KIRREL3: variants seen among roughly 807,000 people sequenced by gnomAD.
The protein encoded by KIRREL3 is kin of IRRE-like protein 3.
KIRREL3 carries 36 observed loss-of-function variants against 89.7 expected under a neutral mutation model. The ratio of observed to expected loss-of-function variants is 0.40; its 90% CI spans 0.31 to 0.53. The LOEUF is 0.53. Ranked by LOEUF, KIRREL3 falls within the 20% of genes least tolerant of loss-of-function variation. The probability of loss-of-function intolerance (pLI) is 0.49; values close to 1 mark genes in which losing one functional copy is unlikely to be tolerated. For missense variants in KIRREL3, 864 were observed against 1,056.6 expected, an observed-to-expected ratio of 0.82 and a Z score of 2.53; for synonymous variants, 445 against 441.4, an observed-to-expected ratio of 1.01 and a Z score of -0.10.
At chr11:126,451,115 G>GTGCA (rs1956104669) in intron 7 of KIRREL3, among the ~76,000 whole-genome samples, 1 of 25,916 alleles carries the variant, frequency 3.9e-5, no homozygotes, top group African/African-American at 2.1e-4. Flanking sequence ...ATGTGTGCAT[G>GTGCA]TGTGTGTGTG....
In KIRREL3 at chr11:126,990,906, G is replaced by A. The variant is rs1415028818; in HGVS notation, c.55+9549C>T. ...GGGAATCACTCCTCCTGCCACTCCC[G>A]GATGAACGTGCTAAGCTTCCTGTGC... On this transcript the variant is annotated intron_variant, in intron 1 of 16. Coordinates refer to ENST00000525144, the MANE Select transcript of KIRREL3 (RefSeq NM_032531.4). The surrounding 1 kb of genome is among the most constrained non-coding windows in gnomAD (Gnocchi z 6.3). Among the ~76,000 whole-genome samples, 4 of 152,150 alleles carry A rather than the reference G, an allele frequency of 2.6e-5. 1 individual carries two copies. In the South Asian group the frequency reaches 8.3e-4, roughly 32 times the overall value.
At chr11:126,934,492 T>C (rs10893606) in intron 1 of KIRREL3, among the ~76,000 whole-genome samples, 2,949 of 152,136 alleles carry the variant, frequency 0.019, 107 homozygotes, top group East Asian at 0.14. Context: ...AAAGACAATA[T>C]TAGGAAAATG....
rs1324931250 is a variant in KIRREL3 at position 126,748,458 on chromosome 11, CG to C, written c.56-185547del. On this transcript the variant is annotated intron_variant, in intron 1 of 16. Coordinates refer to ENST00000525144, the MANE Select transcript of KIRREL3 (RefSeq NM_032531.4). The surrounding 1 kb of genome is among the most constrained non-coding windows in gnomAD (Gnocchi z 4.6). ...CATCAATAATTCTTGAGCTTGCCTA[CG>C]GCGAGAATTATTCCCAGCAGGCGTT... Among the ~76,000 whole-genome samples the C allele has an allele frequency of 1.3e-5, 2 of 152,244 alleles. No homozygotes were observed. Among genetic ancestry groups the C allele is most frequent in the Admixed American group, 1.3e-4 (2 of 15,292 alleles).
chr11:126,832,331 C>T (rs754410215), intron 1 of KIRREL3, among the ~76,000 whole-genome samples: 1 of 152,030 alleles, frequency 6.6e-6, no homozygotes, highest in Non-Finnish European at 1.5e-5. Context: ...GAATCGCTCA[C>T]AATGATTACA....
At chr11:126,841,049 A>G (rs375844677) in intron 1 of KIRREL3, among the ~76,000 whole-genome samples, 1 of 152,212 alleles carries the variant, frequency 6.6e-6, no homozygotes, top group Non-Finnish European at 1.5e-5. Flanking sequence ...ATTGTTGTTA[A>G]TCTCTTACTG....
At chr11:126,895,475 AAAG>A (rs1946115292) in intron 1 of KIRREL3, among the ~76,000 whole-genome samples, 1 of 151,644 alleles carries the variant, frequency 6.6e-6, no homozygotes. Flanking sequence ...AAAAAGGAAA[AAAG>A]AAAGAAGGAA....
At chr11:126,625,616 C>T (rs1003153197) in intron 1 of KIRREL3, among the ~76,000 whole-genome samples, 1 of 152,194 alleles carries the variant, frequency 6.6e-6, no homozygotes, top group South Asian at 2.1e-4. Flanking sequence ...ATCTCTCCCC[C>T]AAGCCTGCAG....
rs766266024 is a variant in KIRREL3 at position 126,923,176 on chromosome 11, C to CTTCTTCTTT, written c.55+77278_55+77279insAAAGAAGAA. Among the ~76,000 whole-genome samples the CTTCTTCTTT allele has an allele frequency of 6.4e-3, 116 of 18,004 alleles. 25 individuals carry two copies. Among genetic ancestry groups the CTTCTTCTTT allele is most frequent in the South Asian group, 0.032 (12 of 372 alleles). The allele number at this position is 18,004 out of a possible 152,430, so 11.8% of individuals were successfully genotyped here. A position where few individuals can be genotyped will look rare whatever the true frequency, so the allele number is the denominator to read the frequency against. ...TCTTCTTCTTCTTCTTCTTCTTCTT[C>CTTCTTCTTT]TCTTCTTCTTCTCTTCTTCTTCTTC... On this transcript the variant is annotated intron_variant, in intron 1 of 16. Coordinates refer to ENST00000525144, the MANE Select transcript of KIRREL3 (RefSeq NM_032531.4).
In KIRREL3 at chr11:126,516,994, G is replaced by C. The variant is rs1384065740; in HGVS notation, c.433+4321C>G. Among the ~76,000 whole-genome samples, 1 of 152,174 alleles carries C rather than the reference G, an allele frequency of 6.6e-6. No homozygotes were observed. The highest frequency in any genetic ancestry group is 1.5e-5 in the Non-Finnish European group (1 of 68,034). ...CAGGAGGCTGGAGCAGGAGGACCCA[G>C]AAGGCGGAGGTTGCGGTGAGCTGAG... On this transcript the variant is annotated intron_variant, in intron 4 of 16. Transcript: ENST00000525144. The surrounding 1 kb of genome is among the most constrained non-coding windows in gnomAD (Gnocchi z 4.9).
chr11:126,789,265 G>T (rs1001387840), intron 1 of KIRREL3, among the ~76,000 whole-genome samples: 2 of 152,076 alleles, frequency 1.3e-5, no homozygotes, highest in South Asian at 4.2e-4. Context: ...CCCTTGCCAC[G>T]TGCAGTGCCC....
intron 1 of KIRREL3, among the ~76,000 whole-genome samples, chr11:126,573,099 G>A (rs1320679258): frequency 1.3e-5 from 2 of 152,154 alleles, no homozygotes; most frequent in South Asian, 2.1e-4. Context: ...GGCTGGGAAT[G>A]CCCCCTCCAC....
intron 1 of KIRREL3, among the ~76,000 whole-genome samples, chr11:126,690,361 G>GCTT (rs368699048): frequency 6.9e-6 from 1 of 144,440 alleles, no homozygotes; most frequent in Non-Finnish European, 1.5e-5. Flanking sequence ...TCTAAGCAGG[G>GCTT]GTTTTTTTTT....
intron 5 of KIRREL3, among the ~76,000 whole-genome samples, chr11:126,467,163 TCCACTGACTGCCGTGA>T (rs1428737795): frequency 3.3e-5 from 5 of 152,216 alleles, no homozygotes; most frequent in African/African-American, 1.2e-4. Context: ...TGGGCCTCTG[TCCACTGACTGCCGTGA>T]CTCTGCGGGG....
In KIRREL3 at chr11:126,993,077, T is replaced by C. The variant is rs1465049947; in HGVS notation, c.55+7378A>G. On this transcript the variant is annotated intron_variant, in intron 1 of 16. Coordinates refer to ENST00000525144, the MANE Select transcript of KIRREL3 (RefSeq NM_032531.4). The surrounding 1 kb of genome is among the most constrained non-coding windows in gnomAD (Gnocchi z 6.1). ...AGAAAGAACGATTAAAAAGTATATT[T>C]CCATTCAATTTTACATTTTTAGCCC... Among the ~76,000 whole-genome samples, 2 of 151,806 alleles carry C rather than the reference T, an allele frequency of 1.3e-5. No homozygotes were observed. The highest frequency in any genetic ancestry group is 2.9e-5 in the Non-Finnish European group (2 of 67,830).
In KIRREL3 at chr11:126,684,869, G is replaced by C. The variant is rs1946608350; in HGVS notation, c.56-121957C>G. On this transcript the variant is annotated intron_variant, in intron 1 of 16. Transcript: ENST00000525144. This position sits in a 1 kb window ranked among gnomAD's most constrained non-coding sequence, Gnocchi z 4.2. ...CCACAGCGGGAGGGACCTGGGAAGA[G>C]GGAGAAGTTGATGGTCTGGTCACTA... Among the ~76,000 whole-genome samples, 2 of 152,256 alleles carry C rather than the reference G, an allele frequency of 1.3e-5. No homozygotes were observed. The highest frequency in any genetic ancestry group is 4.2e-4 in the South Asian group (2 of 4,808).
intron 1 of KIRREL3, among the ~76,000 whole-genome samples, chr11:126,604,597 G>A (rs1400758087): frequency 6.6e-6 from 1 of 152,226 alleles, no homozygotes; most frequent in African/African-American, 2.4e-5. Context: ...TACAGCTGGA[G>A]GGTTCTGATC....
chr11:126,556,767 G>C (rs1289155305), intron 2 of KIRREL3, among the ~76,000 whole-genome samples: 3 of 152,184 alleles, frequency 2.0e-5, no homozygotes, highest in Non-Finnish European at 4.4e-5. Context: ...TGTTCCCTCA[G>C]ATCCTGGCTG....
At chr11:126,494,146 T>A (rs1957597447) in intron 4 of KIRREL3, among the ~76,000 whole-genome samples, 1 of 152,192 alleles carries the variant, frequency 6.6e-6, no homozygotes, top group African/African-American at 2.4e-5. Flanking sequence ...TTTAAGATGG[T>A]CACTTGGTCA....
chr11:126,753,102 G>A (rs1565703205), intron 1 of KIRREL3, among the ~76,000 whole-genome samples: 1 of 152,148 alleles, frequency 6.6e-6, no homozygotes, highest in East Asian at 1.9e-4. Context: ...GAATGAACTC[G>A]AGGACCAGCA....
Sources: gnomAD v4.1 joint callset for allele counts (sites outside exome capture counted in the v4.1 genomes callset) on GRCh38, gnomAD v4.1.1 for gene constraint, Gnocchi (gnomAD v3.1) non-coding constraint, MANE v1.5 for transcripts, NCBI Gene and HGNC (gene_info 2026-07-23, HGNC 2026-07-21) for gene names.